Variants in MYO7B observed in about 807,000 individuals in gnomAD.
MYO7B encodes the protein myosin VIIB, also known as unconventional myosin-VIIb.
A neutral mutation model predicts 259.7 loss-of-function variants in MYO7B; 212 were observed. That is an observed-to-expected ratio of 0.82 (90% confidence interval 0.73 to 0.91). MYO7B has a LOEUF of 0.91. Ranked by LOEUF, MYO7B falls within the 40% of genes least tolerant of loss-of-function variation. MYO7B has a pLI of 0.00. For synonymous variants in MYO7B, 1,197 were observed against 1,166.4 expected, an observed-to-expected ratio of 1.03 and a Z score of -0.54; for missense variants, 2,732 against 2,813.5, an observed-to-expected ratio of 0.97 and a Z score of 0.66.
At chr2:127,608,660 C>T in intron 21 of MYO7B, 48 bp from the exon 22 acceptor site, 7 of 1,572,050 alleles carry the variant, frequency 4.5e-6, no homozygotes, top group Non-Finnish European at 6.1e-6. Flanking sequence ...GCTGGGCCCC[C>T]TGAGCCCTGC....
intron 1 of MYO7B, among the ~76,000 whole-genome samples, chr2:127,543,905 C>A (rs570696100): frequency 4.4e-4 from 67 of 152,080 alleles, no homozygotes; most frequent in African/African-American, 1.5e-3. Context: ...CCACCACACC[C>A]GGCTCATTTT....
chr2:127,609,831 T>C lies in MYO7B; in HGVS notation c.3025-18T>C. On this transcript the variant is annotated intron_variant, in intron 23 of 47. Transcript: ENST00000409816. This position sits in a 1 kb window ranked among gnomAD's most constrained non-coding sequence, Gnocchi z 6.9. ...TCACTGATGGGTTCCCACTGGGCCTTCTGTCTTGTTTCCCCAGGCCGCCCT... is the reference window on the plus strand; with the variant it reads ...TCACTGATGGGTTCCCACTGGGCCTCCTGTCTTGTTTCCCCAGGCCGCCCT... 1 of 1,613,414 alleles carries C rather than the reference T, an allele frequency of 6.2e-7. No individual in the cohort carries two copies. The highest frequency in any genetic ancestry group is 8.5e-7 in the Non-Finnish European group (1 of 1,179,546).
chr2:127,565,128 A>G, intron 3 of MYO7B, 105 bp from the exon 4 acceptor site: 1 of 1,421,050 alleles, frequency 7.0e-7, no homozygotes. Context: ...CTGATCCATG[A>G]CCCGGAAGGT....
At chr2:127,631,137 CAG>C in intron 36 of MYO7B, 67 bp from the exon 37 acceptor site, 1 of 1,488,076 alleles carries the variant, frequency 6.7e-7, no homozygotes, top group Non-Finnish European at 9.0e-7. Context: ...TCAGGGGTGT[CAG>C]AGGACAGAGA....
intron 1 of MYO7B, among the ~76,000 whole-genome samples, chr2:127,543,804 G>A (rs1255683504): frequency 1.3e-5 from 2 of 150,700 alleles, no homozygotes; most frequent in Admixed American, 6.6e-5. Context: ...GAGTGCAGTG[G>A]CGCGATCTTG....
rs1167618909 is a variant in MYO7B at position 127,609,025 on chromosome 2, A to T, written c.2814+147A>T. ...CAGCCCTGCTGGTCCCACACGGAAG[A>T]GGGGAGCGTGCGTGGGTTCTGTGGT... On this transcript the variant is annotated intron_variant, in intron 22 of 47. Transcript: ENST00000409816. This position sits in a 1 kb window ranked among gnomAD's most constrained non-coding sequence, Gnocchi z 6.9. The T allele has an allele frequency of 8.8e-7, 1 of 1,133,632 alleles. No homozygotes were observed. The highest frequency in any genetic ancestry group is 1.2e-6 in the Non-Finnish European group (1 of 812,356). 70.2% of individuals were successfully genotyped at this position (1,133,632 alleles called of 1,614,324 possible). A position where few individuals can be genotyped will look rare whatever the true frequency, so the allele number is the denominator to read the frequency against.
rs1692905390 is a variant in MYO7B at position 127,539,066 on chromosome 2, C to T, written c.-24+3235C>T. ...CCTACTCTGTTCTGGGGGCTGGGGG[C>T]AGAGTACTGAGGGTATGAAAAGGAA... On this transcript the variant is annotated intron_variant, in intron 1 of 47. Transcript: ENST00000409816. The surrounding 1 kb of genome is among the most constrained non-coding windows in gnomAD (Gnocchi z 4.0). Among the ~76,000 whole-genome samples the T allele has an allele frequency of 6.6e-6, 1 of 152,118 alleles. No individual in the cohort carries two copies. The highest frequency in any genetic ancestry group is 2.4e-5 in the African/African-American group (1 of 41,422).
chr2:127,565,506 G>A (rs1678296099), intron 4 of MYO7B, 121 bp downstream of exon 4: 1 of 1,333,736 alleles, frequency 7.5e-7, no homozygotes, highest in Non-Finnish European at 1.0e-6. Context: ...AGGGAGGTGG[G>A]CGAGGTGCCT....
chr2:127,629,799 G>A lies in MYO7B; in HGVS notation c.4779G>A (p.Thr1593=), dbSNP rs369792842. The A allele has an allele frequency of 2.4e-4, 383 of 1,584,288 alleles. 1 individual carries two copies. The highest frequency in any genetic ancestry group is 2.9e-4 in the Non-Finnish European group (334 of 1,164,556). Residue 1593 remains threonine (T), a synonymous_variant, in exon 35 of 48, where the codon ACG becomes ACA. Coordinates refer to ENST00000409816, the MANE Select transcript of MYO7B (RefSeq NM_001393586.1). ...VPMACLYTIP[T]VTKPSAQLLS... ...TGGCCTGCCTCTACACCATCCCCAC[G>A]GTCACTAAGCCCTCGGCACAGCTGC...
At chr2:127,587,568 C>CTT (rs61624532) in intron 14 of MYO7B, among the ~76,000 whole-genome samples, 29 of 122,416 alleles carry the variant, frequency 2.4e-4, no homozygotes, top group African/African-American at 6.9e-4. Flanking sequence ...TTCTTTCTTT[C>CTT]TTTTTTTTTT....
In MYO7B at chr2:127,609,657, A is replaced by C; in HGVS notation, c.2966A>C (p.His989Pro). The C allele has an allele frequency of 1.2e-6, 2 of 1,613,982 alleles. No individual in the cohort carries two copies. The highest frequency in any genetic ancestry group is 1.7e-6 in the Non-Finnish European group (2 of 1,179,890). ...TYFQKSASHTHIRRPLRYPLL... is the reference protein window; with the variant it reads ...TYFQKSASHTPIRRPLRYPLL... ...TTCCAGAAATCAGCCAGCCACACACACATCCGGCGGCCCCTCCGATACCCG... is the reference window on the plus strand; with the variant it reads ...TTCCAGAAATCAGCCAGCCACACACCCATCCGGCGGCCCCTCCGATACCCG... The change falls in exon 23 of 48, where the codon CAC (histidine) becomes CCC (proline). Residue 989 changes from histidine (H) to proline (P), a missense_variant. Physicochemically the swap from His to Pro is moderately conservative, Grantham distance 77. Around this residue, in one of 3 missense-constraint regions of MYO7B, gnomAD observed 1,906 missense variants for 2,026.4 expected, o/e 0.94. Transcript: ENST00000409816. This position sits in a 1 kb window ranked among gnomAD's most constrained non-coding sequence, Gnocchi z 6.9.
intron 27 of MYO7B, among the ~76,000 whole-genome samples, chr2:127,621,262 TTTG>T (rs1324912314): frequency 6.7e-6 from 1 of 149,792 alleles, no homozygotes; most frequent in African/African-American, 2.5e-5. Flanking sequence ...AATTTTTTTT[TTTG>T]TTTTTTTTTT....
In MYO7B at chr2:127,607,133, T is replaced by C. The variant is rs555859763; in HGVS notation, c.2425-73T>C. On this transcript the variant is annotated intron_variant, in intron 20 of 47. Transcript: ENST00000409816. This position sits in a 1 kb window ranked among gnomAD's most constrained non-coding sequence, Gnocchi z 4.4. Reference sequence around the variant, plus strand: ...TGTAAATCTATCTTGCACTGCCTCCTGGGGAGCACCCCTCTCTGTTTCCTG... The same window carrying C: ...TGTAAATCTATCTTGCACTGCCTCCCGGGGAGCACCCCTCTCTGTTTCCTG... 5.0e-6 allele frequency: 7 copies of C among 1,409,202 alleles called. 1 individual carries two copies. In the East Asian group the frequency reaches 1.8e-4, roughly 35 times the overall value. The allele number at this position is 1,409,202 out of a possible 1,614,324, so 87.3% of individuals were successfully genotyped here. A position where few individuals can be genotyped will look rare whatever the true frequency, so the allele number is the denominator to read the frequency against.
intron 6 of MYO7B, among the ~76,000 whole-genome samples, chr2:127,571,996 A>G (rs1312684947): frequency 1.3e-5 from 2 of 152,232 alleles, no homozygotes; most frequent in Non-Finnish European, 2.9e-5. Flanking sequence ...TGCCTAACCC[A>G]GAGATTTTCT....
intron 30 of MYO7B, 93 bp downstream of exon 30, chr2:127,624,413 A>C: frequency 8.9e-6 from 10 of 1,121,872 alleles, no homozygotes; most frequent in South Asian, 3.1e-5. Flanking sequence ...GGCCAGGTAG[A>C]AGGTGGGGGG....
At chr2:127,541,204 C>T (rs760722196) in intron 1 of MYO7B, among the ~76,000 whole-genome samples, 3 of 151,996 alleles carry the variant, frequency 2.0e-5, no homozygotes, top group East Asian at 1.9e-4. Context: ...GCTGTCTCCA[C>T]GGTGAAGGGG....
At chr2:127,575,454 G>A (rs184327887) in intron 7 of MYO7B, among the ~76,000 whole-genome samples, 67 of 151,960 alleles carry the variant, frequency 4.4e-4, no homozygotes, top group Non-Finnish European at 7.5e-4. Context: ...TTAAAATTAC[G>A]GCATATCTAT....
At position 127,613,465 on chromosome 2, in the gene MYO7B, C is replaced by G. The variant is rs969203690; in HGVS notation, c.3398+862C>G. Among the ~76,000 whole-genome samples the G allele has an allele frequency of 6.6e-6, 1 of 152,214 alleles. No homozygotes were observed. Among genetic ancestry groups the G allele is most frequent in the Non-Finnish European group, 1.5e-5 (1 of 68,018 alleles). The stretch of plus-strand genomic sequence containing the variant: ...CCAAGATTTCCTATTTGTTCATTCA[C>G]TATGAGCATTGTTTCCTTTATATCC... On this transcript the variant is annotated intron_variant, in intron 26 of 47. Coordinates refer to ENST00000409816, the MANE Select transcript of MYO7B (RefSeq NM_001393586.1). The surrounding 1 kb of genome is among the most constrained non-coding windows in gnomAD (Gnocchi z 4.3).
intron 26 of MYO7B, among the ~76,000 whole-genome samples, chr2:127,617,489 T>TAC (rs1558838524): frequency 3.4e-5 from 3 of 89,288 alleles, no homozygotes; most frequent in African/African-American, 1.2e-4. Flanking sequence ...GTAACGGGGT[T>TAC]TTTTTTTTTT....
Sources: gnomAD v4.1 joint callset for allele counts (sites outside exome capture counted in the v4.1 genomes callset) on GRCh38, gnomAD v4.1.1 for gene constraint, gnomAD v4.1.1 regional missense constraint, Gnocchi (gnomAD v3.1) non-coding constraint, MANE v1.5 for transcripts, NCBI Gene and HGNC (gene_info 2026-07-23, HGNC 2026-07-21) for gene names.